ADCY4: variants seen among roughly 807,000 people sequenced by gnomAD.
The protein encoded by ADCY4 is adenylate cyclase type 4.
ADCY4 carries 111 observed loss-of-function variants against 125.5 expected under a neutral mutation model. That is an observed-to-expected ratio of 0.88 (90% CI 0.76 to 1.04). The LOEUF is 1.04. Among genes scored for constraint, ADCY4 ranks in the 50% least tolerant of loss-of-function variants. The pLI, the probability that ADCY4 is intolerant of heterozygous loss-of-function variation, is 0.00. For synonymous variants in ADCY4, 576 were observed against 586.9 expected, an observed-to-expected ratio of 0.98 and a Z score of 0.27; for missense variants, 1,256 against 1,382.9, an observed-to-expected ratio of 0.91 and a Z score of 1.46.
intron 10 of ADCY4, 115 bp from the exon 11 acceptor site, chr14:24,326,457 G>A: frequency 7.8e-7 from 1 of 1,287,346 alleles, no homozygotes; most frequent in East Asian, 2.4e-5. Flanking sequence ...CATTTCACTG[G>A]GCTCTTTCTT....
intron 10 of ADCY4, 75 bp downstream of exon 10, chr14:24,328,986 G>A (rs2041996005): frequency 6.6e-7 from 1 of 1,524,790 alleles, no homozygotes; most frequent in East Asian, 2.3e-5. Flanking sequence ...GGGCAGGGAA[G>A]GCTGCCAGTG....
At chr14:24,322,802 C>T in intron 18 of ADCY4, 94 bp from the exon 19 acceptor site, 1 of 1,548,524 alleles carries the variant, frequency 6.5e-7, no homozygotes. Context: ...TCCCACTTTG[C>T]CCTGTGGGTG....
At chr14:24,323,496 G>C in intron 16 of ADCY4, 42 bp from the exon 17 acceptor site, 2 of 1,549,336 alleles carry the variant, frequency 1.3e-6, no homozygotes, top group Non-Finnish European at 8.7e-7. Context: ...GTAGCTTCTT[G>C]GGCACAGTGG....
At chr14:24,331,721 C>T in intron 4 of ADCY4, 67 bp downstream of exon 4, 1 of 1,445,736 alleles carries the variant, frequency 6.9e-7, no homozygotes, top group Non-Finnish European at 9.1e-7. Flanking sequence ...TGTGGAGGAG[C>T]CCCGTTATGT....
At chr14:24,330,858 G>A (rs1594667042) in intron 6 of ADCY4, 160 bp downstream of exon 6, 6 of 635,522 alleles carry the variant, frequency 9.4e-6, no homozygotes, top group Non-Finnish European at 1.6e-5. Flanking sequence ...TTCATGACTG[G>A]GAATGTTTGA....
At chr14:24,326,002 C>T (rs1396426766) in intron 12 of ADCY4, 77 bp downstream of exon 12, 2 of 1,568,774 alleles carry the variant, frequency 1.3e-6, no homozygotes, top group African/African-American at 1.4e-5. Flanking sequence ...CCCTCCAGCC[C>T]CTCAGGGAGC....
chr14:24,319,501 C>T lies in ADCY4; in HGVS notation c.2734-65G>A. On this transcript the variant is annotated intron_variant, in intron 21 of 24. Coordinates refer to ENST00000418030, the MANE Select transcript of ADCY4 (RefSeq NM_001198568.2). This position sits in a 1 kb window ranked among gnomAD's most constrained non-coding sequence, Gnocchi z 4.5. ...TCTCTCCATCACCTCTCCCAGAAGC[C>T]CAGCCCCAAGCCTTTGGAGTTAAAG... 4 of 1,529,048 alleles carry T rather than the reference C, an allele frequency of 2.6e-6. No individual in the cohort carries two copies. Among genetic ancestry groups the T allele is most frequent in the Non-Finnish European group, 3.6e-6 (4 of 1,106,596 alleles). 94.7% of individuals were successfully genotyped at this position (1,529,048 alleles called of 1,614,324 possible).
chr14:24,319,015 A>C lies in ADCY4; in HGVS notation c.2956+83T>G. On this transcript the variant is annotated intron_variant, in intron 23 of 24. Transcript: ENST00000418030. The surrounding 1 kb of genome is among the most constrained non-coding windows in gnomAD (Gnocchi z 4.5). Reference sequence around the variant, plus strand: ...GAAAGGGGCTTCAGGATGAACTGGGAGCAGCTAACAAAGGACTTGGAGTGG... The same window carrying C: ...GAAAGGGGCTTCAGGATGAACTGGGCGCAGCTAACAAAGGACTTGGAGTGG... The C allele has an allele frequency of 6.6e-7, 1 of 1,526,388 alleles. No individual in the cohort carries two copies. Among genetic ancestry groups the C allele is most frequent in the South Asian group, 1.2e-5 (1 of 85,152 alleles). The allele number at this position is 1,526,388 out of a possible 1,614,324, so 94.6% of individuals were successfully genotyped here.
At chr14:24,320,025 T>A in intron 20 of ADCY4, 137 bp from the exon 21 acceptor site, 1 of 1,040,822 alleles carries the variant, frequency 9.6e-7, no homozygotes, top group Non-Finnish European at 1.4e-6. Context: ...GGGAGAGGAG[T>A]AGGGCCAGGC....
rs977809459 is a variant in ADCY4 at position 24,319,769 on chromosome 14, G to A, written c.2706C>T (p.Leu902=). The A allele has an allele frequency of 1.2e-6, 2 of 1,614,030 alleles. No individual in the cohort carries two copies. Among genetic ancestry groups the A allele is most frequent in the African/African-American group, 1.3e-5 (1 of 74,912 alleles). The change falls in exon 21 of 25, where the codon CTC becomes CTT. Residue 902 remains leucine (L), a synonymous_variant. Coordinates refer to ENST00000418030, the MANE Select transcript of ADCY4 (RefSeq NM_001198568.2). This position sits in a 1 kb window ranked among gnomAD's most constrained non-coding sequence, Gnocchi z 4.5. ...CATCAAAATCAGCAATTATCTCATT[G>A]AGCAGCCTCAGACACTCTAGGCCCT... is the stretch of plus-strand genomic sequence containing the variant. ...NHEGLECLRL[L]NEIIADFDEL...
At position 24,318,761 on chromosome 14, in the gene ADCY4, C is replaced by A. The variant is rs779749774; in HGVS notation, c.2974G>T (p.Val992Leu). 1 of 1,613,928 alleles carries A rather than the reference C, an allele frequency of 6.2e-7. No individual in the cohort carries two copies. Among genetic ancestry groups the A allele is most frequent in the Non-Finnish European group, 8.5e-7 (1 of 1,180,024 alleles). The change falls in exon 24 of 25, where the codon GTA (valine) becomes TTA (leucine). Residue 992 changes from valine (V) to leucine (L), a missense_variant. By Grantham distance (32) the Val-to-Leu change is conservative. Transcript: ENST00000418030. ...TGGGCCCCAATAACTCCAGCTACTACGGGTCCATGGTTCAACCCTAATGAG... is the reference window on the plus strand; with the variant it reads ...TGGGCCCCAATAACTCCAGCTACTAAGGGTCCATGGTTCAACCCTAATGAG... ...RLRVGLNHGP[V>L]VAGVIGAQKP...
In ADCY4 at chr14:24,331,941, T is replaced by A; in HGVS notation, c.520-4A>T. The A allele has an allele frequency of 6.4e-7, 1 of 1,552,982 alleles. No homozygotes were observed. Among genetic ancestry groups the A allele is most frequent in the Non-Finnish European group, 8.8e-7 (1 of 1,141,518 alleles). ...ACAGCACTGCGTTTGCTGCCAACTG[T>A]GGGTGAAGGCCAGCCTCAGAGGGCG... On this transcript the variant is annotated splice_polypyrimidine_tract_variant and splice_region_variant and intron_variant, in intron 3 of 24. Coordinates refer to ENST00000418030, the MANE Select transcript of ADCY4 (RefSeq NM_001198568.2).
At chr14:24,318,970 C>A in intron 23 of ADCY4, 128 bp downstream of exon 23, 1 of 1,396,886 alleles carries the variant, frequency 7.2e-7, no homozygotes, top group South Asian at 1.3e-5. Context: ...CTTCACACCC[C>A]ATCCCAGGGA....
At chr14:24,321,285 G>A (rs1355967965) in intron 20 of ADCY4, among the ~76,000 whole-genome samples, 2 of 151,684 alleles carry the variant, frequency 1.3e-5, no homozygotes, top group Non-Finnish European at 2.9e-5. Context: ...GCCAGGCATG[G>A]TGGCAGGCGC....
intron 14 of ADCY4, 65 bp downstream of exon 14, chr14:24,325,312 G>T: frequency 2.9e-6 from 4 of 1,371,376 alleles, no homozygotes; most frequent in Non-Finnish European, 4.2e-6. Flanking sequence ...GTGTGGCCCG[G>T]GGTCATGAGG....
intron 12 of ADCY4, 87 bp from the exon 13 acceptor site, chr14:24,325,974 G>T: frequency 6.3e-7 from 1 of 1,587,440 alleles, no homozygotes; most frequent in South Asian, 1.1e-5. Flanking sequence ...GGCAAGAGGG[G>T]GTGGTCAGGC....
At chr14:24,329,353 G>A in intron 9 of ADCY4, 48 bp downstream of exon 9, 1 of 1,549,178 alleles carries the variant, frequency 6.5e-7, no homozygotes, top group Non-Finnish European at 8.7e-7. Flanking sequence ...TGTTGGCTGT[G>A]GGGTGGTTTG....
rs934776908 is a variant in ADCY4 at position 24,332,475 on chromosome 14, C to T, written c.519+47G>A. ...ACCCCCTAAAAGGAGCCTACTAGCA[C>T]GTGGCAGAGCCGTCCTGAGCGCAGC... On this transcript the variant is annotated intron_variant, in intron 3 of 24. Transcript: ENST00000418030. 11 of 1,536,348 alleles carry T rather than the reference C, an allele frequency of 7.2e-6. No homozygotes were observed. In the African/African-American group the frequency reaches 1.4e-4, roughly 19 times the overall value.
At position 24,326,052 on chromosome 14, in the gene ADCY4, C is replaced by A. The variant is rs11622863; in HGVS notation, c.1655+27G>T. ...ACCATATGACCTCAGGGCCTGCGGC[C>A]CCCCCAGCCCTCTTTGTTCTCCGTA... On this transcript the variant is annotated intron_variant, in intron 12 of 24. Transcript: ENST00000418030. 464 of 1,562,770 alleles carry A rather than the reference C, an allele frequency of 3.0e-4. 8 individuals are homozygous for A. The South Asian group carries it at 5.3e-3, about 18-fold the overall frequency.
Sources: gnomAD v4.1 joint callset for allele counts (sites outside exome capture counted in the v4.1 genomes callset) on GRCh38, gnomAD v4.1.1 for gene constraint, Gnocchi (gnomAD v3.1) non-coding constraint, MANE v1.5 for transcripts, NCBI Gene and HGNC (gene_info 2026-07-23, HGNC 2026-07-21) for gene names.